RTL4: variants seen among roughly 807,000 people sequenced by gnomAD.
The protein encoded by RTL4 is retrotransposon Gag like 4, also known as retrotransposon Gag-like protein 4.
RTL4 carries 4 observed loss-of-function variants against 5.3 expected under a neutral mutation model. That is an observed-to-expected ratio of 0.75 (90% confidence interval 0.37 to 1.72). The LOEUF (loss-of-function observed/expected upper bound fraction) is 1.72. Among genes scored for constraint, RTL4 ranks in the 40% most tolerant of loss-of-function variants. RTL4 has a pLI of 0.04. For synonymous variants in RTL4, 98 were observed against 87.3 expected, an observed-to-expected ratio of 1.12 and a Z score of -0.68; for missense variants, 260 against 227.1, an observed-to-expected ratio of 1.14 and a Z score of -0.93.
the RTL4 span, among the ~76,000 whole-genome samples, chrX:112,346,444 A>G: frequency 9.0e-6 from 1 of 111,467 alleles, no homozygotes; most frequent in East Asian, 2.8e-4. Flanking sequence ...TTATCAATGG[A>G]CTCAAAAGCT....
the RTL4 span, among the ~76,000 whole-genome samples, chrX:112,243,849 C>G: frequency 9.8e-4 from 110 of 111,820 alleles, no homozygotes; most frequent in Non-Finnish European, 4.3e-4. Flanking sequence ...TATAAATTCC[C>G]TCTACACACT....
At chrX:112,214,144 TAAAA>T in the RTL4 span, among the ~76,000 whole-genome samples, 1 of 111,841 alleles carries the variant, frequency 8.9e-6, no homozygotes, top group Non-Finnish European at 1.9e-5. Flanking sequence ...CTTGTGTAAC[TAAAA>T]CTTTGTGCTC....
the RTL4 span, among the ~76,000 whole-genome samples, chrX:112,293,615 G>A: frequency 3.3e-4 from 37 of 111,979 alleles, no homozygotes; most frequent in African/African-American, 1.2e-3. Flanking sequence ...AGTTGGGATG[G>A]TTCTTAGTTA....
At chrX:112,310,369 CATATATATATATATAT>C in the RTL4 span, among the ~76,000 whole-genome samples, 175 of 4,360 alleles carry the variant, frequency 0.04, 5 homozygotes, top group African/African-American at 0.094. Context: ...CACCTTTATA[CATATATATATATATAT>C]ATATATATAT....
the RTL4 span, among the ~76,000 whole-genome samples, chrX:112,427,478 C>T: frequency 9.0e-6 from 1 of 110,932 alleles, no homozygotes; most frequent in African/African-American, 3.3e-5. Context: ...TATTGCTTAC[C>T]TAGAGCTAAC....
At chrX:112,089,229 T>G in the RTL4 span, among the ~76,000 whole-genome samples, 3 of 111,268 alleles carry the variant, frequency 2.7e-5, no homozygotes, top group East Asian at 8.5e-4. Context: ...TAATTTAGCA[T>G]TAGGTATATC....
At chrX:112,431,516 C>T in the RTL4 span, among the ~76,000 whole-genome samples, 1 of 110,782 alleles carries the variant, frequency 9.0e-6, no homozygotes, top group South Asian at 3.9e-4. Context: ...TTCAGGTTTT[C>T]CTACTGCAGC....
the RTL4 span, among the ~76,000 whole-genome samples, chrX:112,271,576 T>A: frequency 2.7e-5 from 3 of 112,271 alleles, no homozygotes; most frequent in Admixed American, 9.4e-5. Context: ...AAAGAAGGCA[T>A]ACATAATTCC....
chrX:112,430,394 T>C, the RTL4 span, among the ~76,000 whole-genome samples: 1 of 111,596 alleles, frequency 9.0e-6, no homozygotes, highest in Non-Finnish European at 1.9e-5. Flanking sequence ...ATATGGCATT[T>C]CTTTTTCTTT....
At chrX:112,083,400 C>T in the RTL4 span, among the ~76,000 whole-genome samples, 4 of 112,507 alleles carry the variant, frequency 3.6e-5, no homozygotes, top group Non-Finnish European at 5.6e-5. Context: ...GGGAGTTGAA[C>T]CTGGGGGAGT....
chrX:112,267,774 C>CT, the RTL4 span, among the ~76,000 whole-genome samples: 1 of 110,800 alleles, frequency 9.0e-6, no homozygotes, highest in Non-Finnish European at 1.9e-5. Context: ...TTTCTTCCCC[C>CT]TTTTTTTCCC....
the RTL4 span, among the ~76,000 whole-genome samples, chrX:112,447,146 C>T: frequency 8.9e-6 from 1 of 111,928 alleles, no homozygotes. Context: ...AAGTAATATG[C>T]TAAGTGGCTT....
At chrX:112,307,734 T>A in the RTL4 span, among the ~76,000 whole-genome samples, 1 of 112,242 alleles carries the variant, frequency 8.9e-6, no homozygotes, top group Admixed American at 9.5e-5. Context: ...ATAGATTGGC[T>A]AATTCAAACT....
the RTL4 span, among the ~76,000 whole-genome samples, chrX:112,417,907 G>A: frequency 8.9e-6 from 1 of 111,773 alleles, no homozygotes; most frequent in Non-Finnish European, 1.9e-5. Context: ...CAGCACTTTA[G>A]GAGGCCAAGG....
the RTL4 span, among the ~76,000 whole-genome samples, chrX:112,104,385 A>G: frequency 8.9e-6 from 1 of 112,233 alleles, no homozygotes; most frequent in Non-Finnish European, 1.9e-5. Context: ...TCTTCAGCAT[A>G]CTGATTTCAT....
the RTL4 span, among the ~76,000 whole-genome samples, chrX:112,388,545 G>T: frequency 8.9e-6 from 1 of 112,089 alleles, no homozygotes; most frequent in African/African-American, 3.2e-5. Flanking sequence ...GTTGGTTGTG[G>T]GTTTGCCATA....
chrX:112,102,513 A>G, the RTL4 span, among the ~76,000 whole-genome samples: 16,525 of 111,418 alleles, frequency 0.15, 1,779 homozygotes, highest in African/African-American at 0.37. Flanking sequence ...ATAAAATTCC[A>G]TAGGTGAGTT....
At chrX:112,231,604 G>A in the RTL4 span, among the ~76,000 whole-genome samples, 1 of 104,119 alleles carries the variant, frequency 9.6e-6, no homozygotes, top group African/African-American at 3.5e-5. Flanking sequence ...ATAGCATTAG[G>A]AGATATACCT....
the RTL4 span, among the ~76,000 whole-genome samples, chrX:112,277,085 C>T: frequency 3.6e-5 from 4 of 111,710 alleles, no homozygotes; most frequent in African/African-American, 1.3e-4. Flanking sequence ...ATTAAACACA[C>T]AGACCTAATT....
Sources: gnomAD v4.1 joint callset for allele counts (sites outside exome capture counted in the v4.1 genomes callset) on GRCh38, gnomAD v4.1.1 for gene constraint, MANE v1.5 for transcripts, NCBI Gene and HGNC (gene_info 2026-07-23, HGNC 2026-07-21) for gene names.